Variants in RSPO2 observed in about 807,000 individuals in gnomAD.
The protein encoded by RSPO2 is R-spondin-2.
In RSPO2, 14 loss-of-function variants were observed where a neutral mutation model predicts 30.9. The observed-to-expected ratio is 0.45, with a 90% confidence interval of 0.30 to 0.71. RSPO2 has a LOEUF of 0.71. RSPO2 is among the 30% of genes least tolerant of loss of function. The pLI, the probability that RSPO2 is intolerant of heterozygous loss-of-function variation, is 0.08. For synonymous variants in RSPO2, 107 were observed against 96.4 expected, an observed-to-expected ratio of 1.11 and a Z score of -0.64; for missense variants, 264 against 301.9, an observed-to-expected ratio of 0.87 and a Z score of 0.93.
intron 2 of RSPO2, among the ~76,000 whole-genome samples, chr8:108,069,994 T>A (rs941195687): frequency 6.6e-6 from 1 of 152,222 alleles, no homozygotes; most frequent in Non-Finnish European, 1.5e-5. Flanking sequence ...CTGATTATAG[T>A]CATATTGAAA....
intron 2 of RSPO2, among the ~76,000 whole-genome samples, chr8:108,063,699 C>T (rs1236587922): frequency 2.0e-5 from 3 of 151,744 alleles, no homozygotes; most frequent in Non-Finnish European, 4.4e-5. Context: ...CATATGGAAC[C>T]AAAAAGAGCC....
intron 2 of RSPO2, among the ~76,000 whole-genome samples, chr8:108,068,830 T>C (rs1280829492): frequency 6.6e-6 from 1 of 152,052 alleles, no homozygotes; most frequent in Non-Finnish European, 1.5e-5. Flanking sequence ...TCCCCTAGAG[T>C]CTCAGAGAGA....
At chr8:107,957,167 T>C (rs922898560) in intron 5 of RSPO2, among the ~76,000 whole-genome samples, 1 of 152,238 alleles carries the variant, frequency 6.6e-6, no homozygotes, top group African/African-American at 2.4e-5. Flanking sequence ...ATATATTCTC[T>C]TTCTGGGCTA....
chr8:108,009,014 C>T (rs1401220484), intron 2 of RSPO2, among the ~76,000 whole-genome samples: 10 of 151,936 alleles, frequency 6.6e-5, no homozygotes, highest in Non-Finnish European at 1.5e-4. Flanking sequence ...AAAAGATGTA[C>T]AATATATCCA....
chr8:107,974,726 G>C (rs188437923), intron 3 of RSPO2, among the ~76,000 whole-genome samples: 4 of 151,834 alleles, frequency 2.6e-5, no homozygotes, highest in African/African-American at 9.7e-5. Flanking sequence ...AAGCAGGGAG[G>C]GGGGAAGAAG....
intron 2 of RSPO2, among the ~76,000 whole-genome samples, chr8:108,037,039 G>A (rs1811620608): frequency 6.6e-6 from 1 of 152,086 alleles, no homozygotes; most frequent in Non-Finnish European, 1.5e-5. Context: ...TTGAAATTAA[G>A]ACAATTAGTA....
intron 5 of RSPO2, among the ~76,000 whole-genome samples, chr8:107,957,265 A>C (rs1420842676): frequency 2.6e-5 from 4 of 152,236 alleles, no homozygotes; most frequent in South Asian, 4.1e-4. Context: ...TTTTCCAAAC[A>C]CAACTTTCTT....
chr8:107,931,650 C>T (rs778655802), intron 5 of RSPO2, among the ~76,000 whole-genome samples: 5 of 152,132 alleles, frequency 3.3e-5, no homozygotes, highest in Non-Finnish European at 7.3e-5. Flanking sequence ...TAATGGCACT[C>T]ACTACATAGT....
chr8:108,029,052 G>GTTTTTTT (rs1563570335), intron 2 of RSPO2, among the ~76,000 whole-genome samples: 2 of 48,852 alleles, frequency 4.1e-5, no homozygotes. Context: ...GTTAACATGA[G>GTTTTTTT]TCTTTTTTTT....
intron 2 of RSPO2, among the ~76,000 whole-genome samples, chr8:108,019,211 G>A (rs967192535): frequency 4.6e-5 from 7 of 151,698 alleles, no homozygotes; most frequent in African/African-American, 1.2e-4. Context: ...AAAATTATCC[G>A]GCTGTGGTGG....
intron 5 of RSPO2, among the ~76,000 whole-genome samples, chr8:107,947,587 C>T (rs1172607529): frequency 6.6e-6 from 1 of 152,148 alleles, no homozygotes; most frequent in East Asian, 1.9e-4. Context: ...AACATCAGAA[C>T]CCGTAAGTAT....
intron 5 of RSPO2, among the ~76,000 whole-genome samples, chr8:107,930,558 A>G (rs1419721742): frequency 2.0e-5 from 3 of 152,200 alleles, no homozygotes; most frequent in Non-Finnish European, 2.9e-5. Context: ...TGCCACTAGC[A>G]TTTTTCATGA....
chr8:107,923,341 CA>C (rs1812246761), intron 5 of RSPO2, among the ~76,000 whole-genome samples: 1 of 149,224 alleles, frequency 6.7e-6, no homozygotes, highest in Non-Finnish European at 1.5e-5. Context: ...ACTGATTAAA[CA>C]AATGCAAATC....
intron 5 of RSPO2, among the ~76,000 whole-genome samples, chr8:107,921,258 C>T (rs1045507099): frequency 6.9e-5 from 10 of 145,168 alleles, no homozygotes; most frequent in East Asian, 2.1e-4. Flanking sequence ...TATAGAAAAT[C>T]GTTTTGATTA....
chr8:108,006,616 AAAG>A (rs1247377637), intron 2 of RSPO2, among the ~76,000 whole-genome samples: 2 of 152,044 alleles, frequency 1.3e-5, no homozygotes, highest in African/African-American at 4.8e-5. Context: ...CTGAAAAAAA[AAAG>A]AGGAATTCAA....
At chr8:107,921,789 G>T (rs1420995634) in intron 5 of RSPO2, among the ~76,000 whole-genome samples, 2 of 152,054 alleles carry the variant, frequency 1.3e-5, no homozygotes, top group Non-Finnish European at 2.9e-5. Flanking sequence ...GGGATGCAAG[G>T]TTGGTTCAAC....
At chr8:107,921,354 T>C (rs1365740007) in intron 5 of RSPO2, among the ~76,000 whole-genome samples, 2 of 151,778 alleles carry the variant, frequency 1.3e-5, no homozygotes, top group African/African-American at 2.4e-5. Flanking sequence ...TACTCTTCCA[T>C]TGTGAGATAT....
At chr8:107,927,158 A>C (rs1006866471) in intron 5 of RSPO2, among the ~76,000 whole-genome samples, 2 of 152,162 alleles carry the variant, frequency 1.3e-5, no homozygotes, top group Non-Finnish European at 2.9e-5. Context: ...CTTTGAAGCA[A>C]TTGTGAATGG....
At chr8:107,962,810 TAAAGAG>T (rs1011029468) in intron 3 of RSPO2, among the ~76,000 whole-genome samples, 4 of 152,258 alleles carry the variant, frequency 2.6e-5, no homozygotes, top group African/African-American at 9.6e-5. Context: ...CTCTTCTACT[TAAAGAG>T]AAAAAGAGGA....
Sources: gnomAD v4.1 joint callset for allele counts (sites outside exome capture counted in the v4.1 genomes callset) on GRCh38, gnomAD v4.1.1 for gene constraint, MANE v1.5 for transcripts, NCBI Gene and HGNC (gene_info 2026-07-23, HGNC 2026-07-21) for gene names.